The following GTSE1 variants were observed in gnomAD, a reference collection of about 807,000 sequenced individuals.
The protein encoded by GTSE1 is G2 and S-phase expressed 1, also known as G2 and S phase-expressed protein 1.
A neutral mutation model predicts 60.5 loss-of-function variants in GTSE1; 52 were observed. That is an observed-to-expected ratio of 0.86 (90% confidence interval 0.69 to 1.08). The LOEUF (loss-of-function observed/expected upper bound fraction) is 1.08. Ranked by LOEUF, GTSE1 falls within the 50% of genes least tolerant of loss-of-function variation. The pLI, the probability that GTSE1 is intolerant of heterozygous loss-of-function variation, is 0.00. For missense variants in GTSE1, 937 were observed against 961.8 expected, an observed-to-expected ratio of 0.97 and a Z score of 0.34; for synonymous variants, 368 against 386.5, an observed-to-expected ratio of 0.95 and a Z score of 0.56.
At chr22:46,299,329 G>A (rs759355914) in intron 2 of GTSE1, among the ~76,000 whole-genome samples, 9 of 152,198 alleles carry the variant, frequency 5.9e-5, no homozygotes, top group Non-Finnish European at 1.0e-4. Flanking sequence ...TGCTCTCTGC[G>A]GCACCCACGT....
intron 7 of GTSE1, 40 bp from the exon 8 acceptor site, chr22:46,323,150 A>C (rs1468841803): frequency 7.3e-7 from 1 of 1,365,954 alleles, no homozygotes; most frequent in Non-Finnish European, 1.0e-6. Flanking sequence ...TCTCCCCCTG[A>C]TCACTTTACC....
rs1305052515 is a variant in GTSE1, at chr22:46,313,868, G to T, written c.928-22G>T. Reference sequence around the variant, plus strand: ...AAATAACGAGATCTTTGCTGATTCTGTTTTTTCACATTTTGCCCCAGTTGG... The same window carrying T: ...AAATAACGAGATCTTTGCTGATTCTTTTTTTTCACATTTTGCCCCAGTTGG... On this transcript the variant is annotated intron_variant, in intron 5 of 11. Transcript: ENST00000454366. This position sits in a 1 kb window ranked among gnomAD's most constrained non-coding sequence, Gnocchi z 4.4. 6 of 1,613,554 alleles carry T rather than the reference G, an allele frequency of 3.7e-6. No homozygotes were observed. In the East Asian group the frequency reaches 1.1e-4, roughly 30 times the overall value.
intron 8 of GTSE1, 82 bp from the exon 9 acceptor site, chr22:46,326,354 A>T (rs559391228): frequency 8.5e-7 from 1 of 1,170,044 alleles, no homozygotes; most frequent in Non-Finnish European, 1.2e-6. Context: ...AGCCCTCAGC[A>T]CTGCATTAGC....
At chr22:46,322,143 G>A (rs1026879254) in intron 7 of GTSE1, among the ~76,000 whole-genome samples, 1 of 151,632 alleles carries the variant, frequency 6.6e-6, no homozygotes, top group African/African-American at 2.4e-5. Context: ...TTTCTGAGGA[G>A]ATCTGGTTTA....
At position 46,310,298 on chromosome 22, in the gene GTSE1, G is replaced by A. The variant is rs918164104; in HGVS notation, c.762+1355G>A. Reference sequence around the variant, plus strand: ...ATAACAGGTGTTATTTTGAGGATGAGGATGTTGTGGAGGATGAGGAGAAGG... The same window carrying A: ...ATAACAGGTGTTATTTTGAGGATGAAGATGTTGTGGAGGATGAGGAGAAGG... On this transcript the variant is annotated intron_variant, in intron 4 of 11. Transcript: ENST00000454366. This position sits in a 1 kb window ranked among gnomAD's most constrained non-coding sequence, Gnocchi z 4.4. Among the ~76,000 whole-genome samples the A allele has an allele frequency of 5.9e-5, 9 of 152,222 alleles. No individual in the cohort carries two copies. Among genetic ancestry groups the A allele is most frequent in the Admixed American group, 2.0e-4 (3 of 15,286 alleles).
chr22:46,307,080 C>T (rs1181291764), intron 2 of GTSE1, among the ~76,000 whole-genome samples: 1 of 152,112 alleles, frequency 6.6e-6, no homozygotes, highest in Non-Finnish European at 1.5e-5. Context: ...GCAGGTGCCC[C>T]TGCAGAGGGA....
In GTSE1 at chr22:46,297,426, A is replaced by AGCC; in HGVS notation, c.27_29dup (p.Pro10dup). On this transcript the variant is annotated inframe_insertion, in exon 2 of 12. Transcript: ENST00000454366. The surrounding 1 kb of genome is among the most constrained non-coding windows in gnomAD (Gnocchi z 4.9). ...ATGGAAGGAGGCGGCGGCCGCGATG[A>AGCC]GCCTTCAGCCTGCCGGGCAGGGGAC... is the stretch of plus-strand genomic sequence containing the variant. The AGCC allele has an allele frequency of 1.2e-6, 2 of 1,613,870 alleles. No homozygotes were observed. The highest frequency in any genetic ancestry group is 1.7e-6 in the Non-Finnish European group (2 of 1,179,784).
chr22:46,311,830 A>AT (rs2077750181), intron 4 of GTSE1, among the ~76,000 whole-genome samples: 1 of 152,172 alleles, frequency 6.6e-6, no homozygotes, highest in African/African-American at 2.4e-5. Flanking sequence ...CAGCTTTCTC[A>AT]TTATCATTCT....
In GTSE1 at chr22:46,304,482, A is replaced by T. The variant is rs1399917089; in HGVS notation, c.80-3668A>T. On this transcript the variant is annotated intron_variant, in intron 2 of 11. Coordinates refer to ENST00000454366, the MANE Select transcript of GTSE1 (RefSeq NM_016426.7). This position sits in a 1 kb window ranked among gnomAD's most constrained non-coding sequence, Gnocchi z 4.4. ...TAAGAGCCTCTAAAATCAAGAATGT[A>T]TGTTGTATTTTATCATATGCCCGTT... Among the ~76,000 whole-genome samples the T allele has an allele frequency of 6.6e-6, 1 of 152,172 alleles. No homozygotes were observed. The highest frequency in any genetic ancestry group is 2.4e-5 in the African/African-American group (1 of 41,432).
At position 46,308,460 on chromosome 22, in the gene GTSE1, G is replaced by A. The variant is rs1269086723; in HGVS notation, c.279G>A (p.Leu93=). 1 of 1,614,218 alleles carries A rather than the reference G, an allele frequency of 6.2e-7. No individual in the cohort carries two copies. Among genetic ancestry groups the A allele is most frequent in the East Asian group, 2.2e-5 (1 of 44,890 alleles). The change falls in exon 4 of 12, where the codon CTG becomes CTA. Residue 93 remains leucine (L), a synonymous_variant. Transcript: ENST00000454366. ...TSESPFAWSP[L]AGEKFVEVYK... ...AGAGTCCCTTTGCCTGGAGCCCTCT[G>A]GCCGGGGAGAAGTTCGTGGAGGTGT...
chr22:46,326,568 C>G lies in GTSE1; in HGVS notation c.1638C>G (p.Pro546=). ...RRCSGLPPMT[P]KTMPRAVGSP... is the part of the protein sequence containing the mutation. ...GCTCTGGCCTTCCACCGATGACCCC[C>G]AAAACGATGCCCAGGGCCGTGGGCT... Residue 546 remains proline (P), a synonymous_variant, in exon 9 of 12, where the codon CCC becomes CCG. Transcript: ENST00000454366. The G allele has an allele frequency of 6.2e-7, 1 of 1,614,186 alleles. No individual in the cohort carries two copies. Among genetic ancestry groups the G allele is most frequent in the Non-Finnish European group, 8.5e-7 (1 of 1,180,016 alleles).
chr22:46,303,878 A>G lies in GTSE1; in HGVS notation c.80-4272A>G, dbSNP rs950070586. Among the ~76,000 whole-genome samples, 35 of 152,250 alleles carry G rather than the reference A, an allele frequency of 2.3e-4. 1 individual carries two copies. The highest frequency in any genetic ancestry group is 1.8e-3 in the Admixed American group (28 of 15,294). Reference sequence around the variant, plus strand: ...GGAATTGGTTCTTTTCCTTCCTGCCATGGAGACGAGCGGTGTTCCTGATGG... The same window carrying G: ...GGAATTGGTTCTTTTCCTTCCTGCCGTGGAGACGAGCGGTGTTCCTGATGG... On this transcript the variant is annotated intron_variant, in intron 2 of 11. Coordinates refer to ENST00000454366, the MANE Select transcript of GTSE1 (RefSeq NM_016426.7).
intron 10 of GTSE1, 55 bp downstream of exon 10, chr22:46,328,944 C>T (rs765676626): frequency 9.9e-5 from 139 of 1,407,738 alleles, no homozygotes; most frequent in Middle Eastern, 2.0e-4. Context: ...GGAGGCTGCT[C>T]GGGAAGCCCG....
At position 46,321,858 on chromosome 22, in the gene GTSE1, G is replaced by T. The variant is rs1434212668; in HGVS notation, c.1433-1332G>T. Among the ~76,000 whole-genome samples, 1 of 152,130 alleles carries T rather than the reference G, an allele frequency of 6.6e-6. No homozygotes were observed. Among genetic ancestry groups the T allele is most frequent in the Non-Finnish European group, 1.5e-5 (1 of 68,008 alleles). On this transcript the variant is annotated intron_variant, in intron 7 of 11. Coordinates refer to ENST00000454366, the MANE Select transcript of GTSE1 (RefSeq NM_016426.7). The surrounding 1 kb of genome is among the most constrained non-coding windows in gnomAD (Gnocchi z 4.0). Reference sequence around the variant, plus strand: ...GGGAGGCCGAGGCGGGCAATCACTTGAGGTCAGGAGTTCAAGACCAGCCTG... The same window carrying T: ...GGGAGGCCGAGGCGGGCAATCACTTTAGGTCAGGAGTTCAAGACCAGCCTG...
chr22:46,329,969 G>C lies in GTSE1; in HGVS notation c.2137-78G>C. ...GCGAGTGGCTGTGATGACCCACGCA[G>C]CCAGTCCTCTGTGCAGGGAGGGGAA... On this transcript the variant is annotated intron_variant, in intron 11 of 11. Transcript: ENST00000454366. This position sits in a 1 kb window ranked among gnomAD's most constrained non-coding sequence, Gnocchi z 6.4. 1.1e-6 allele frequency: 1 copy of C among 888,644 alleles called. No individual in the cohort carries two copies. Among genetic ancestry groups the C allele is most frequent in the Non-Finnish European group, 1.9e-6 (1 of 524,650 alleles). 55.0% of individuals were successfully genotyped at this position (888,644 alleles called of 1,614,324 possible).
In GTSE1 at chr22:46,297,265, C is replaced by T. The variant is rs959492809; in HGVS notation, c.-21-115C>T. The T allele has an allele frequency of 2.8e-6, 2 of 712,766 alleles. No individual in the cohort carries two copies. The highest frequency in any genetic ancestry group is 1.7e-5 in the African/African-American group (1 of 57,226). The allele number at this position is 712,766 out of a possible 1,614,324, so 44.2% of individuals were successfully genotyped here. ...TCAGAGCGGCCCCCGCGCCGCCTCT[C>T]CCAGACCTGGCCGCGGCCTTCAGCT... On this transcript the variant is annotated intron_variant, in intron 1 of 11. Coordinates refer to ENST00000454366, the MANE Select transcript of GTSE1 (RefSeq NM_016426.7). This position sits in a 1 kb window ranked among gnomAD's most constrained non-coding sequence, Gnocchi z 4.9.
At chr22:46,315,289 C>T (rs1449172927) in intron 6 of GTSE1, among the ~76,000 whole-genome samples, 1 of 152,124 alleles carries the variant, frequency 6.6e-6, no homozygotes, top group Non-Finnish European at 1.5e-5. Flanking sequence ...GATCTCTTGA[C>T]CTCGTGATCC....
rs933907259 is a variant in GTSE1, at chr22:46,304,635, T to C, written c.80-3515T>C. Among the ~76,000 whole-genome samples, 1 of 152,212 alleles carries C rather than the reference T, an allele frequency of 6.6e-6. No individual in the cohort carries two copies. Among genetic ancestry groups the C allele is most frequent in the African/African-American group, 2.4e-5 (1 of 41,456 alleles). On this transcript the variant is annotated intron_variant, in intron 2 of 11. Transcript: ENST00000454366. This position sits in a 1 kb window ranked among gnomAD's most constrained non-coding sequence, Gnocchi z 4.4. ...CAGGGAGCTTGGTTGTGTTATGTTA[T>C]TACCACTTTAATGTTTGCAGGATTC...
At chr22:46,312,432 G>A (rs2077754191) in intron 5 of GTSE1, 127 bp downstream of exon 5, 1 of 852,902 alleles carries the variant, frequency 1.2e-6, no homozygotes, top group African/African-American at 1.7e-5. Context: ...TTGAGCCCAG[G>A]AGTTCAAGAC....
Sources: allele counts gnomAD v4.1 joint callset (sites outside exome capture counted in the v4.1 genomes callset), GRCh38; gene constraint gnomAD v4.1.1; non-coding constraint Gnocchi (gnomAD v3.1); transcripts MANE v1.5; gene names NCBI Gene and HGNC (gene_info 2026-07-23, HGNC 2026-07-21).